Variants in PARD3 observed in about 807,000 individuals in gnomAD.
PARD3 encodes the protein par-3 family cell polarity regulator.
A neutral mutation model predicts 155.4 loss-of-function variants in PARD3; 75 were observed. The observed-to-expected ratio is 0.48, with a 90% confidence interval of 0.40 to 0.58. PARD3 has a LOEUF of 0.58. Among genes scored for constraint, PARD3 ranks in the 20% least tolerant of loss-of-function variants. The probability of loss-of-function intolerance (pLI) is 0.00; values close to 1 mark genes in which losing one functional copy is unlikely to be tolerated. For missense variants in PARD3, 1,642 were observed against 1,721.7 expected, an observed-to-expected ratio of 0.95 and a Z score of 0.82; for synonymous variants, 576 against 610.5, an observed-to-expected ratio of 0.94 and a Z score of 0.83.
chr10:34,453,404 GGAAGC>G (rs1480091698), intron 4 of PARD3, among the ~76,000 whole-genome samples: 1 of 152,010 alleles, frequency 6.6e-6, no homozygotes, highest in East Asian at 1.9e-4. Context: ...AATCTTACAG[GGAAGC>G]CTGGGCAGAT....
At chr10:34,129,563 C>T (rs989603566) in intron 23 of PARD3, among the ~76,000 whole-genome samples, 1 of 152,182 alleles carries the variant, frequency 6.6e-6, no homozygotes, top group Non-Finnish European at 1.5e-5. Context: ...TCTCTTCAAA[C>T]TTTCAATCTA....
Position 34,753,253 on chromosome 10 carries a change from T to C in PARD3, c.121-56834A>G, listed in dbSNP as rs370072631. 3.3e-5 allele frequency among the ~76,000 whole-genome samples: 5 copies of C among 152,174 alleles called. No individual in the cohort carries two copies. In the East Asian group the frequency reaches 7.7e-4, roughly 24 times the overall value. On this transcript the variant is annotated intron_variant, in intron 1 of 24. Coordinates refer to ENST00000374788, the MANE Select transcript of PARD3 (RefSeq NM_001184785.2). The stretch of plus-strand genomic sequence containing the variant: ...CCCCAAGGGCACTTGGACTGACAAA[T>C]GGAAAAGCAAACTAAGAGCTGGGGA...
At chr10:34,718,564 C>G (rs2094556625) in intron 1 of PARD3, among the ~76,000 whole-genome samples, 1 of 152,112 alleles carries the variant, frequency 6.6e-6, no homozygotes, top group Admixed American at 6.5e-5. Flanking sequence ...GAGGCTGAGG[C>G]TGGAGGATTG....
chr10:34,760,504 G>C (rs112804094), intron 1 of PARD3, among the ~76,000 whole-genome samples: 8 of 151,938 alleles, frequency 5.3e-5, no homozygotes, highest in Non-Finnish European at 1.2e-4. Context: ...GCTAATTTTT[G>C]TATCTTTAAT....
intron 22 of PARD3, among the ~76,000 whole-genome samples, chr10:34,203,027 T>C (rs1020551668): frequency 2.2e-4 from 34 of 152,166 alleles, no homozygotes; most frequent in African/African-American, 7.2e-4. Flanking sequence ...CACAGTTACC[T>C]TTTGCTAACA....
chr10:34,425,679 A>G (rs940088690), intron 5 of PARD3, among the ~76,000 whole-genome samples: 1 of 152,154 alleles, frequency 6.6e-6, no homozygotes, highest in Non-Finnish European at 1.5e-5. Context: ...TTACAGGCGC[A>G]TGTCCCTGTG....
At position 34,656,216 on chromosome 10, in the gene PARD3, T is replaced by C. The variant is rs75465907; in HGVS notation, c.222+40102A>G. Among the ~76,000 whole-genome samples, 1,453 of 152,312 alleles carry C rather than the reference T, an allele frequency of 9.5e-3. 27 individuals carry two copies. The highest frequency in any genetic ancestry group is 0.033 in the African/African-American group (1,383 of 41,562). On this transcript the variant is annotated intron_variant, in intron 2 of 24. Coordinates refer to ENST00000374788, the MANE Select transcript of PARD3 (RefSeq NM_001184785.2). ...TTAATGGGCTTCTCTTAGCTTCTCC[T>C]ATATTGTATTCTACTTTTAACCTTC...
intron 22 of PARD3, among the ~76,000 whole-genome samples, chr10:34,220,871 T>G (rs1588825209): frequency 6.6e-6 from 1 of 152,182 alleles, no homozygotes; most frequent in East Asian, 1.9e-4. Context: ...ATCCCACCTC[T>G]TGGTACCCAC....
At chr10:34,482,809 A>G (rs1166328518) in intron 3 of PARD3, among the ~76,000 whole-genome samples, 1 of 152,092 alleles carries the variant, frequency 6.6e-6, no homozygotes, top group East Asian at 1.9e-4. Flanking sequence ...GAGGGAGGAT[A>G]GAGGGGCATG....
intron 2 of PARD3, among the ~76,000 whole-genome samples, chr10:34,690,571 G>A (rs1203148248): frequency 1.3e-5 from 2 of 152,164 alleles, no homozygotes; most frequent in Non-Finnish European, 1.5e-5. Flanking sequence ...CATTGAGATC[G>A]TACAGCCCCA....
At chr10:34,602,428 G>T (rs1014993162) in intron 2 of PARD3, among the ~76,000 whole-genome samples, 1 of 152,072 alleles carries the variant, frequency 6.6e-6, no homozygotes, top group African/African-American at 2.4e-5. Flanking sequence ...TACAAAATTT[G>T]TTGTATACTA....
chr10:34,698,257 C>T (rs1037069078), intron 1 of PARD3, among the ~76,000 whole-genome samples: 2 of 152,168 alleles, frequency 1.3e-5, no homozygotes, highest in Admixed American at 6.5e-5. Flanking sequence ...TATTTGTAGC[C>T]ACCCCTTGGA....
At chr10:34,712,006 C>A (rs1181884399) in intron 1 of PARD3, among the ~76,000 whole-genome samples, 1 of 152,188 alleles carries the variant, frequency 6.6e-6, no homozygotes, top group Non-Finnish European at 1.5e-5. Context: ...TTCGTCCTCA[C>A]CTGCAGAGGT....
chr10:34,620,274 A>C (rs1167989797), intron 2 of PARD3, among the ~76,000 whole-genome samples: 1 of 152,160 alleles, frequency 6.6e-6, no homozygotes, highest in Non-Finnish European at 1.5e-5. Context: ...TGGTAGCCAA[A>C]GCAGTGAAAC....
At chr10:34,202,466 C>T (rs1951265254) in intron 22 of PARD3, among the ~76,000 whole-genome samples, 3 of 152,294 alleles carry the variant, frequency 2.0e-5, no homozygotes, top group South Asian at 4.2e-4. Context: ...GATTGAGAGC[C>T]ACTCTTTGGA....
At chr10:34,129,698 C>CTTTTTTTTTTTTT (rs1346445542) in intron 23 of PARD3, among the ~76,000 whole-genome samples, 1 of 59,712 alleles carries the variant, frequency 1.7e-5, no homozygotes, top group African/African-American at 5.5e-5. Flanking sequence ...AATGTCAAGC[C>CTTTTTTTTTTTTT]TCTTTTTTTT....
chr10:34,535,461 A>G (rs1387804431), intron 2 of PARD3, among the ~76,000 whole-genome samples: 2 of 152,116 alleles, frequency 1.3e-5, no homozygotes, highest in Non-Finnish European at 2.9e-5. Context: ...ATTAAAACAG[A>G]GCAATATTAA....
intron 2 of PARD3, among the ~76,000 whole-genome samples, chr10:34,522,589 AG>A (rs2082214394): frequency 6.6e-6 from 1 of 152,222 alleles, no homozygotes; most frequent in Admixed American, 6.5e-5. Flanking sequence ...TAGTTTCAAG[AG>A]TAAAGAAGAC....
intron 4 of PARD3, among the ~76,000 whole-genome samples, chr10:34,464,091 G>T (rs1433222262): frequency 6.8e-6 from 1 of 147,422 alleles, no homozygotes; most frequent in African/African-American, 2.5e-5. Flanking sequence ...ACCATACTTT[G>T]TTTTCAGCTA....
Sources: gnomAD v4.1 joint callset for allele counts (sites outside exome capture counted in the v4.1 genomes callset) on GRCh38, gnomAD v4.1.1 for gene constraint, MANE v1.5 for transcripts, NCBI Gene and HGNC (gene_info 2026-07-23, HGNC 2026-07-21) for gene names.